The following SWT1 variants were observed in gnomAD, a reference collection of about 807,000 sequenced individuals.
SWT1 encodes the protein SWT1 RNA endoribonuclease homolog, also known as transcriptional protein SWT1.
Under a neutral mutation model 107.3 loss-of-function variants are expected in SWT1, and 33 were observed. The observed-to-expected ratio is 0.31, with a 90% confidence interval of 0.23 to 0.41. The LOEUF is 0.41. Ranked by LOEUF, SWT1 falls within the 10% of genes least tolerant of loss-of-function variation. The pLI is 1.00. For missense variants in SWT1, 898 were observed against 1,028.9 expected (o/e 0.87, Z 1.74); for synonymous variants, 345 against 348.3 (o/e 0.99, Z 0.11).
intron 4 of SWT1, chr1:185,171,530 A>G (rs12028809): frequency 0.078 from 29,310 of 376,098 alleles, 1,672 homozygotes; most frequent in African/African-American, 0.2. Flanking sequence ...TTTTGATCAC[A>G]ACCCCTCCAA....
chr1:185,264,220 C>A, intron 16 of SWT1: 1 of 330,040 alleles, frequency 3.0e-6, no homozygotes, highest in Non-Finnish European at 4.3e-6. Flanking sequence ...TTACAATAAT[C>A]AATAGGGATG....
chr1:185,277,637 A>T (rs1004722055), intron 18 of SWT1, among the ~76,000 whole-genome samples: 4 of 152,126 alleles, frequency 2.6e-5, no homozygotes, highest in Non-Finnish European at 5.9e-5. Context: ...TTGACCTCGC[A>T]TACCCTCTGA....
rs759401618 is a variant in SWT1, at chr1:185,204,681, GTAAC to G, written c.1670-16_1670-13del. 2.0e-6 allele frequency: 3 copies of G among 1,491,034 alleles called. No homozygotes were observed. Among genetic ancestry groups the G allele is most frequent in the Non-Finnish European group, 2.7e-6 (3 of 1,101,336 alleles). The allele number at this position is 1,491,034 out of a possible 1,614,324, so 92.4% of individuals were successfully genotyped here. ...ACTGTTAGCATTCTAAATAAAGTCT[GTAAC>G]TATTTGTTTTAAAGAAACAACACCC... On this transcript the variant is annotated splice_polypyrimidine_tract_variant and intron_variant, in intron 11 of 18. Transcript: ENST00000367500.
rs1656274273 is a variant in SWT1 at position 185,184,358 on chromosome 1, A to G, written c.1240+14A>G. ...CAGAAGTACCAGGTATTTACAGAACATATTTAAAGATTCTGATTTTCTTCC... is the reference window on the plus strand; with the variant it reads ...CAGAAGTACCAGGTATTTACAGAACGTATTTAAAGATTCTGATTTTCTTCC... On this transcript the variant is annotated intron_variant, in intron 8 of 18. Coordinates refer to ENST00000367500, the MANE Select transcript of SWT1 (RefSeq NM_017673.7). 7.3e-7 allele frequency: 1 copy of G among 1,367,188 alleles called. No homozygotes were observed. Among genetic ancestry groups the G allele is most frequent in the Non-Finnish European group, 1.0e-6 (1 of 978,732 alleles). 84.7% of individuals were successfully genotyped at this position (1,367,188 alleles called of 1,614,324 possible).
At chr1:185,255,666 ATG>A (rs1279730671) in intron 16 of SWT1, among the ~76,000 whole-genome samples, 1 of 127,376 alleles carries the variant, frequency 7.9e-6, no homozygotes, top group Non-Finnish European at 1.6e-5. Flanking sequence ...TTTTGAGCCT[ATG>A]TGTGTCTCTG....
chr1:185,211,948 T>C (rs1169769303), intron 13 of SWT1, among the ~76,000 whole-genome samples: 1 of 151,448 alleles, frequency 6.6e-6, no homozygotes, highest in African/African-American at 2.4e-5. Flanking sequence ...CAGCAAACTA[T>C]CGCAAGGACA....
rs187712237 is a variant in SWT1 at position 185,191,254 on chromosome 1, T to C, written c.1523+612T>C. The stretch of plus-strand genomic sequence containing the variant: ...TTTCTCCCTCCTTCTCCCTTCCCCC[T>C]GCTTCTTCCCTCCCTACTAATATTT... On this transcript the variant is annotated intron_variant, in intron 10 of 18. Coordinates refer to ENST00000367500, the MANE Select transcript of SWT1 (RefSeq NM_017673.7). Among the ~76,000 whole-genome samples, 8 of 152,290 alleles carry C rather than the reference T, an allele frequency of 5.3e-5. No individual in the cohort carries two copies. The East Asian group carries it at 1.5e-3, about 29-fold the overall frequency.
chr1:185,207,215 A>G (rs1658405106), intron 13 of SWT1, among the ~76,000 whole-genome samples: 1 of 152,224 alleles, frequency 6.6e-6, no homozygotes, highest in Non-Finnish European at 1.5e-5. Flanking sequence ...CTATATAGAT[A>G]AGGAACAGGA....
chr1:185,167,192 A>T (rs1655482812), intron 3 of SWT1, among the ~76,000 whole-genome samples: 1 of 152,140 alleles, frequency 6.6e-6, no homozygotes, highest in Admixed American at 6.6e-5. Flanking sequence ...TCTCCTTTTG[A>T]GGTAGCCAAG....
At chr1:185,277,305 C>T (rs1005030952) in intron 18 of SWT1, among the ~76,000 whole-genome samples, 2 of 151,688 alleles carry the variant, frequency 1.3e-5, no homozygotes, top group African/African-American at 4.8e-5. Context: ...TTCTTTGACA[C>T]AGAGTTTTGC....
intron 17 of SWT1, among the ~76,000 whole-genome samples, chr1:185,274,345 A>T (rs1664096081): frequency 6.7e-6 from 1 of 149,260 alleles, no homozygotes; most frequent in African/African-American, 2.4e-5. Context: ...AGATATATAT[A>T]TATTTGTCAC....
rs1659477703 is a variant in SWT1, at chr1:185,219,556, G to T, written c.2122-2293G>T. Among the ~76,000 whole-genome samples the T allele has an allele frequency of 3.3e-5, 5 of 152,108 alleles. No individual in the cohort carries two copies. In the South Asian group the frequency reaches 1.0e-3, roughly 32 times the overall value. ...TTTTATCACAGGGAACTTAAGCCTA[G>T]AGAAATGGAGTGATTTTATTTAAGT... On this transcript the variant is annotated intron_variant, in intron 14 of 18. Transcript: ENST00000367500.
At position 185,174,396 on chromosome 1, in the gene SWT1, C is replaced by T. The variant is rs758152205; in HGVS notation, c.249C>T (p.Leu83=). 4 of 1,575,112 alleles carry T rather than the reference C, an allele frequency of 2.5e-6. No homozygotes were observed. Among genetic ancestry groups the T allele is most frequent in the South Asian group, 1.2e-5 (1 of 82,738 alleles). Residue 83 remains leucine (L), a synonymous_variant, in exon 5 of 19, where the codon CTC becomes CTT. Transcript: ENST00000367500. The part of the protein sequence containing the change: ...LKRLSVEIDT[L]RRRPKIGSSS... Reference sequence around the variant, plus strand: ...GATTGAGTGTAGAAATTGACACTCTCAGAAGGAGACCAAAAATCGGTTCTT... The same window carrying T: ...GATTGAGTGTAGAAATTGACACTCTTAGAAGGAGACCAAAAATCGGTTCTT...
intron 10 of SWT1, among the ~76,000 whole-genome samples, chr1:185,200,310 T>G (rs1347592998): frequency 2.0e-5 from 3 of 152,186 alleles, no homozygotes; most frequent in Admixed American, 1.3e-4. Flanking sequence ...GTTGTGATCC[T>G]TTGGAGGAGA....
intron 15 of SWT1, chr1:185,227,169 G>T: frequency 2.0e-6 from 2 of 992,632 alleles, no homozygotes; most frequent in Admixed American, 3.4e-5. Flanking sequence ...GAATTGTTTG[G>T]TACTATGAGG....
chr1:185,203,333 G>T (rs1232411088), intron 11 of SWT1, among the ~76,000 whole-genome samples: 1 of 152,080 alleles, frequency 6.6e-6, no homozygotes, highest in Non-Finnish European at 1.5e-5. Context: ...TAATAATCAA[G>T]AAGTAACAGG....
At chr1:185,173,173 C>T (rs1655232928) in intron 4 of SWT1, among the ~76,000 whole-genome samples, 1 of 151,458 alleles carries the variant, frequency 6.6e-6, no homozygotes, top group African/African-American at 2.4e-5. Context: ...CTGTTTATGC[C>T]CTATTCTAGA....
chr1:185,214,844 CT>C (rs1362009151), intron 14 of SWT1, among the ~76,000 whole-genome samples, 189 bp downstream of exon 14: 1 of 152,126 alleles, frequency 6.6e-6, no homozygotes, highest in African/African-American at 2.4e-5. Flanking sequence ...CCCATACCTC[CT>C]TTTATGGAAG....
chr1:185,269,373 GTT>G (rs59417358), intron 16 of SWT1, among the ~76,000 whole-genome samples: 5 of 125,346 alleles, frequency 4.0e-5, no homozygotes, highest in African/African-American at 1.2e-4. Context: ...AGAGGTTTTT[GTT>G]TTTTTTTTTT....
Sources: gnomAD v4.1 joint callset for allele counts (sites outside exome capture counted in the v4.1 genomes callset) on GRCh38, gnomAD v4.1.1 for gene constraint, MANE v1.5 for transcripts, NCBI Gene and HGNC (gene_info 2026-07-23, HGNC 2026-07-21) for gene names.